Variants in UBE3A observed in about 807,000 individuals in gnomAD.
UBE3A encodes the protein ubiquitin protein ligase E3A.
Under a neutral mutation model 83.4 loss-of-function variants are expected in UBE3A, and 6 were observed. That is an observed-to-expected ratio of 0.07 (90% confidence interval 0.04 to 0.14). UBE3A has a LOEUF of 0.14. UBE3A is among the 10% of genes least tolerant of loss of function. The pLI is 1.00. For synonymous variants in UBE3A, 337 were observed against 355.4 expected (o/e 0.95, Z 0.58); for missense variants, 456 against 1,036.1 (o/e 0.44, Z 7.69).
intron 1 of UBE3A, among the ~76,000 whole-genome samples, chr15:25,430,287 A>ATT (rs377273636): frequency 0.052 from 68 of 1,304 alleles, 24 homozygotes; most frequent in East Asian, 0.12. Context: ...TTATATATAT[A>ATT]ATATATATAA....
At chr15:25,353,594 A>G (rs2076818902) in intron 11 of UBE3A, among the ~76,000 whole-genome samples, 1 of 152,166 alleles carries the variant, frequency 6.6e-6, no homozygotes, top group Admixed American at 6.5e-5. Context: ...TAAAAATAAC[A>G]TTTATTGCTA....
intron 7 of UBE3A, among the ~76,000 whole-genome samples, 168 bp from the exon 8 acceptor site, chr15:25,357,064 C>T (rs2077311885): frequency 1.3e-5 from 2 of 152,084 alleles, no homozygotes; most frequent in Non-Finnish European, 1.5e-5. Flanking sequence ...AAACAATGTC[C>T]ACATATATCT....
intron 1 of UBE3A, among the ~76,000 whole-genome samples, chr15:25,413,364 A>T (rs192131574): frequency 3.8e-4 from 58 of 152,066 alleles, no homozygotes; most frequent in Non-Finnish European, 7.1e-4. Flanking sequence ...TAATTTCACA[A>T]ACTGTTTTTT....
At chr15:25,419,138 G>A (rs1396776131) in intron 1 of UBE3A, 4 of 152,120 alleles carry the variant, frequency 2.6e-5, no homozygotes, top group Non-Finnish European at 5.9e-5. Context: ...TGATATTTAA[G>A]GCACTAAGTT....
rs1311367011 is a variant in UBE3A at position 25,368,836 on chromosome 15, G to A, written c.1608+1730C>T. ...TGCTTTACTAGAGAAAAAAATGGGG[G>A]ACTGAGGAAAATAAGACTGAGTAGA... On this transcript the variant is annotated intron_variant, in intron 6 of 12. Transcript: ENST00000648336. 2.6e-5 allele frequency among the ~76,000 whole-genome samples: 4 copies of A among 152,198 alleles called. No homozygotes were observed. The East Asian group carries it at 7.7e-4, about 29-fold the overall frequency.
rs761344289 is a variant in UBE3A at position 25,407,070 on chromosome 15, G to T, written c.21-1568C>A. On this transcript the variant is annotated intron_variant, in intron 3 of 12. Transcript: ENST00000648336. ...GCAAATCACCTATGTGACACACCTG[G>T]TCTCCACCAGCCTTGTGGGTAAGTA... is the stretch of plus-strand genomic sequence containing the variant. The T allele has an allele frequency of 4.5e-6, 6 of 1,347,930 alleles. No homozygotes were observed. The Admixed American group carries it at 7.7e-5, about 17-fold the overall frequency. The allele number at this position is 1,347,930 out of a possible 1,614,324, so 83.5% of individuals were successfully genotyped here.
chr15:25,383,075 T>C lies in UBE3A; in HGVS notation c.63-7312A>G, dbSNP rs184381136. ...ATCATTTTATGAGGTAAGCATTACT[T>C]AGATATCGAAATCAGACAAATTTAC... On this transcript the variant is annotated intron_variant, in intron 4 of 12. Transcript: ENST00000648336. Among the ~76,000 whole-genome samples the C allele has an allele frequency of 3.9e-3, 593 of 152,256 alleles. 5 individuals are homozygous for C. Among genetic ancestry groups the C allele is most frequent in the Admixed American group, 3.5e-3 (53 of 15,294 alleles).
intron 1 of UBE3A, among the ~76,000 whole-genome samples, chr15:25,436,236 C>G (rs1332829421): frequency 6.6e-6 from 1 of 152,078 alleles, no homozygotes; most frequent in Non-Finnish European, 1.5e-5. Context: ...AGTATTTTAC[C>G]GAAAGATCAC....
rs531146529 is a variant in UBE3A at position 25,333,728 on chromosome 15, T to G, written c.*5409A>C. ...CTAAACAAAATACTAGCAAACCAAA[T>G]CCAGCAGCATAGAACAAGGTTTATG... On this transcript the variant is annotated 3_prime_UTR_variant, in exon 13 of 13. Transcript: ENST00000648336. 6.6e-6 allele frequency: 1 copy of G among 152,056 alleles called. No homozygotes were observed. The highest frequency in any genetic ancestry group is 2.4e-5 in the African/African-American group (1 of 41,476). 9.4% of individuals were successfully genotyped at this position (152,056 alleles called of 1,614,324 possible).
At chr15:25,367,483 G>T (rs189694489) in intron 6 of UBE3A, among the ~76,000 whole-genome samples, 32 of 152,018 alleles carry the variant, frequency 2.1e-4, no homozygotes, top group African/African-American at 7.7e-4. Flanking sequence ...TAAGTCCTAG[G>T]GGAACTATGG....
chr15:25,368,465 C>A (rs1281916239), intron 6 of UBE3A, among the ~76,000 whole-genome samples: 1 of 151,894 alleles, frequency 6.6e-6, no homozygotes, highest in Non-Finnish European at 1.5e-5. Flanking sequence ...CATTCAGAGC[C>A]CCTAAGGAAG....
intron 1 of UBE3A, among the ~76,000 whole-genome samples, chr15:25,416,766 C>T (rs1018550695): frequency 2.0e-5 from 3 of 151,774 alleles, no homozygotes; most frequent in African/African-American, 7.3e-5. Context: ...CCTTCTCAAA[C>T]GAGAATTTTC....
At chr15:25,402,141 C>A (rs139791291) in intron 4 of UBE3A, among the ~76,000 whole-genome samples, 11 of 152,318 alleles carry the variant, frequency 7.2e-5, no homozygotes, top group Admixed American at 7.2e-4. Context: ...GGCACCTGCA[C>A]ATTTGAAGAA....
In UBE3A at chr15:25,356,826, C is replaced by T. The variant is rs760397761; in HGVS notation, c.1824G>A (p.Gln608=). 1.5e-5 allele frequency: 25 copies of T among 1,613,750 alleles called. No individual in the cohort carries two copies. The East Asian group carries it at 2.2e-4, about 14-fold the overall frequency. Residue 608 remains glutamine, a synonymous_variant, in exon 8 of 13, where the codon CAG becomes CAA. Coordinates refer to ENST00000648336, the MANE Select transcript of UBE3A (RefSeq NM_130839.5). ...CCAGTACTATGCCAATCAGAGTAAA[C>T]TGACCCTCAGTTTCAAAAGAAGATG... The part of the protein sequence containing the change: ...FNPSSFETEG[Q]FTLIGIVLGL...
intron 12 of UBE3A, 68 bp from the exon 13 acceptor site, chr15:25,339,325 GCTC>G (rs2074332428): frequency 3.2e-6 from 5 of 1,573,000 alleles, no homozygotes; most frequent in South Asian, 2.2e-5. Context: ...AGAATTAAAT[GCTC>G]CTATTTTTAG....
chr15:25,429,801 T>C (rs2153177346), intron 1 of UBE3A, among the ~76,000 whole-genome samples: 1 of 151,750 alleles, frequency 6.6e-6, no homozygotes, highest in Non-Finnish European at 1.5e-5. Context: ...GGTTAGGAGT[T>C]TGAAACCAGC....
chr15:25,437,510 CA>C (rs1239769208), intron 1 of UBE3A, among the ~76,000 whole-genome samples: 1 of 152,104 alleles, frequency 6.6e-6, no homozygotes, highest in African/African-American at 2.4e-5. Flanking sequence ...TAAAATGATC[CA>C]AAATTACGGG....
intron 4 of UBE3A, among the ~76,000 whole-genome samples, chr15:25,390,025 C>T (rs752710297): frequency 1.3e-5 from 2 of 152,118 alleles, no homozygotes; most frequent in Non-Finnish European, 2.9e-5. Flanking sequence ...ATACAGATGG[C>T]AATTCAGCAT....
chr15:25,344,455 A>AG (rs1412772943), intron 11 of UBE3A, among the ~76,000 whole-genome samples: 2 of 152,192 alleles, frequency 1.3e-5, no homozygotes, highest in African/African-American at 4.8e-5. Context: ...TATTGGAAAA[A>AG]TAACTTATTC....
Sources: allele counts gnomAD v4.1 joint callset (sites outside exome capture counted in the v4.1 genomes callset), GRCh38; gene constraint gnomAD v4.1.1; transcripts MANE v1.5; gene names NCBI Gene and HGNC (gene_info 2026-07-23, HGNC 2026-07-21).